The following DLGAP1 variants were observed in gnomAD, a reference collection of about 807,000 sequenced individuals.
DLGAP1 encodes disks large-associated protein 1.
In DLGAP1, 11 loss-of-function variants were observed where a neutral mutation model predicts 90.8. The observed-to-expected ratio is 0.12, with a 90% CI of 0.08 to 0.20. DLGAP1 has a LOEUF of 0.20. DLGAP1 is among the 10% of genes least tolerant of loss of function. The pLI is 1.00. For missense variants in DLGAP1, 1,050 were observed against 1,333.8 expected (o/e 0.79, Z 3.31); for synonymous variants, 558 against 540.7 (o/e 1.03, Z -0.44).
At chr18:4,081,045 C>T (rs956475502) in intron 2 of DLGAP1, among the ~76,000 whole-genome samples, 11 of 151,986 alleles carry the variant, frequency 7.2e-5, no homozygotes, top group South Asian at 2.1e-4. Context: ...TGCACCACCA[C>T]GCCCAGATAA....
intron 2 of DLGAP1, among the ~76,000 whole-genome samples, chr18:4,045,432 C>CAAAAAAAAAAAAAAAAAAAAAAAAAAA (rs763466156): frequency 1.7e-4 from 5 of 29,196 alleles, no homozygotes; most frequent in African/African-American, 4.9e-4. Flanking sequence ...CCCATCTCTA[C>CAAAAAAAAAAAAAAAAAAAAAAAAAAA]AAAAAAAAAA....
chr18:4,019,482 T>C (rs1177665200), intron 2 of DLGAP1, among the ~76,000 whole-genome samples: 2 of 152,128 alleles, frequency 1.3e-5, no homozygotes, highest in Non-Finnish European at 2.9e-5. Context: ...GAAAAGTCCT[T>C]TTCGTTTTCA....
intron 1 of DLGAP1, among the ~76,000 whole-genome samples, chr18:4,426,542 G>T (rs556489500): frequency 1.3e-5 from 2 of 152,170 alleles, no homozygotes; most frequent in East Asian, 3.9e-4. Context: ...GGTGGGTCAG[G>T]AGCCAGACAT....
At chr18:4,322,970 G>GAAAAAAAAAAAAAAAA (rs1398796779) in intron 1 of DLGAP1, among the ~76,000 whole-genome samples, 2 of 130,056 alleles carry the variant, frequency 1.5e-5, no homozygotes, top group African/African-American at 2.9e-5. Context: ...AAAAAAAAAG[G>GAAAAAAAAAAAAAAAA]AAAAAGCTAC....
At chr18:4,409,396 T>C (rs950032176) in intron 1 of DLGAP1, among the ~76,000 whole-genome samples, 17 of 152,342 alleles carry the variant, frequency 1.1e-4, no homozygotes, top group Non-Finnish European at 2.4e-4. Flanking sequence ...AATTTGGGTA[T>C]CTTACAGATA....
chr18:4,441,857 C>T (rs1450856007), intron 1 of DLGAP1, among the ~76,000 whole-genome samples: 2 of 152,206 alleles, frequency 1.3e-5, no homozygotes, highest in Non-Finnish European at 2.9e-5. Flanking sequence ...CGGATGCCAA[C>T]CAATTGTCAG....
chr18:3,843,626 G>T lies in DLGAP1; in HGVS notation c.958-29353C>A, dbSNP rs537120730. Among the ~76,000 whole-genome samples, 3 of 152,186 alleles carry T rather than the reference G, an allele frequency of 2.0e-5. No individual in the cohort carries two copies. The East Asian group carries it at 5.8e-4, about 29-fold the overall frequency. ...CCCAGCATGCTCTGGAGCGATGAGG[G>T]GTGAGAGAGAAAGGAAGAAAAGAAG... On this transcript the variant is annotated intron_variant, in intron 4 of 12. Coordinates refer to ENST00000315677, the MANE Select transcript of DLGAP1 (RefSeq NM_004746.4).
intron 7 of DLGAP1, among the ~76,000 whole-genome samples, chr18:3,678,519 T>C (rs2060394421): frequency 6.6e-6 from 1 of 152,236 alleles, no homozygotes. Context: ...CTTATCTTCC[T>C]AATAGGCTGA....
chr18:3,915,680 A>G (rs1334614946), intron 3 of DLGAP1, among the ~76,000 whole-genome samples: 1 of 152,236 alleles, frequency 6.6e-6, no homozygotes, highest in African/African-American at 2.4e-5. Flanking sequence ...AAAACAGCAT[A>G]CTGGCATAGA....
At chr18:3,965,695 C>A (rs574988748) in intron 3 of DLGAP1, among the ~76,000 whole-genome samples, 3 of 152,130 alleles carry the variant, frequency 2.0e-5, no homozygotes, top group Admixed American at 2.0e-4. Flanking sequence ...CATCTGTAAT[C>A]CCAGCATTTT....
intron 1 of DLGAP1, among the ~76,000 whole-genome samples, chr18:4,350,931 A>G (rs1164364876): frequency 2.0e-5 from 3 of 152,034 alleles, no homozygotes; most frequent in Admixed American, 2.0e-4. Flanking sequence ...AATATAGACC[A>G]CTCTGCAGAA....
rs562827552 is a variant in DLGAP1, at chr18:4,066,621, G to A, written c.-158-61420C>T. The stretch of plus-strand genomic sequence containing the variant: ...GAGAAATGTGAATCAAATCAGAACC[G>A]TGAGATACCATCTCACACCAGTCAG... On this transcript the variant is annotated intron_variant, in intron 2 of 12. Coordinates refer to ENST00000315677, the MANE Select transcript of DLGAP1 (RefSeq NM_004746.4). 5.9e-5 allele frequency among the ~76,000 whole-genome samples: 9 copies of A among 152,000 alleles called. No individual in the cohort carries two copies. The South Asian group carries it at 1.2e-3, about 21-fold the overall frequency.
At chr18:4,091,403 G>A (rs1372673357) in intron 2 of DLGAP1, among the ~76,000 whole-genome samples, 2 of 151,990 alleles carry the variant, frequency 1.3e-5, no homozygotes, top group Non-Finnish European at 2.9e-5. Context: ...TTGGATTCTT[G>A]CTTTGATTCT....
chr18:3,914,891 A>G (rs2072110232), intron 3 of DLGAP1, among the ~76,000 whole-genome samples: 1 of 152,136 alleles, frequency 6.6e-6, no homozygotes, highest in South Asian at 2.1e-4. Flanking sequence ...CTACAGGTGC[A>G]TGCCATGACA....
chr18:3,600,692 A>ATAGATATC lies in DLGAP1; in HGVS notation c.1592-18445_1592-18444insGATATCTA, dbSNP rs1225384706. Among the ~76,000 whole-genome samples, 46 of 136,690 alleles carry ATAGATATC rather than the reference A, an allele frequency of 3.4e-4. 1 individual carries two copies. The highest frequency in any genetic ancestry group is 8.6e-4 in the South Asian group (4 of 4,646). The allele number at this position is 136,690 out of a possible 152,430, so 89.7% of individuals were successfully genotyped here. ...GATCTATAGATATCTATAGAGATCT[A>ATAGATATC]TATAGATATCTATAGCTATATAGAT... On this transcript the variant is annotated intron_variant, in intron 7 of 12. Transcript: ENST00000315677.
chr18:4,046,530 T>C (rs1037359062), intron 2 of DLGAP1, among the ~76,000 whole-genome samples: 3 of 152,344 alleles, frequency 2.0e-5, no homozygotes, highest in African/African-American at 4.8e-5. Context: ...TAAGAAACCA[T>C]AGATATCATC....
chr18:3,577,094 C>G (rs2055199939), intron 8 of DLGAP1, among the ~76,000 whole-genome samples: 1 of 152,146 alleles, frequency 6.6e-6, no homozygotes, highest in East Asian at 1.9e-4. Flanking sequence ...CTCCTCACCT[C>G]AGGTGATCCA....
At chr18:3,849,766 T>C (rs578071515) in intron 4 of DLGAP1, among the ~76,000 whole-genome samples, 20 of 152,336 alleles carry the variant, frequency 1.3e-4, no homozygotes, top group African/African-American at 4.6e-4. Flanking sequence ...TATATGTTTC[T>C]GATCATCTTG....
At chr18:3,866,999 A>T (rs1196467453) in intron 4 of DLGAP1, among the ~76,000 whole-genome samples, 1 of 147,836 alleles carries the variant, frequency 6.8e-6, no homozygotes, top group Non-Finnish European at 1.5e-5. Context: ...CTACAGGCAC[A>T]TGCCACCACA....
Sources: allele counts gnomAD v4.1 joint callset (sites outside exome capture counted in the v4.1 genomes callset), GRCh38; gene constraint gnomAD v4.1.1; transcripts MANE v1.5; gene names NCBI Gene and HGNC (gene_info 2026-07-23, HGNC 2026-07-21).